Variants in CCSER1 observed in about 807,000 individuals in gnomAD.
The protein encoded by CCSER1 is coiled-coil serine rich protein 1, also known as serine-rich coiled-coil domain-containing protein 1.
A neutral mutation model predicts 82.0 loss-of-function variants in CCSER1; 41 were observed. The ratio of observed to expected loss-of-function variants is 0.50; its 90% CI spans 0.39 to 0.65. CCSER1 has a LOEUF of 0.65. Among genes scored for constraint, CCSER1 ranks in the 30% least tolerant of loss-of-function variants. The pLI is 0.00. For synonymous variants in CCSER1, 414 were observed against 383.9 expected (o/e 1.08, Z -0.92); for missense variants, 1,119 against 1,064.2 (o/e 1.05, Z -0.72).
intron 5 of CCSER1, among the ~76,000 whole-genome samples, chr4:90,626,570 G>A (rs549987793): frequency 2.2e-4 from 33 of 152,264 alleles, no homozygotes; most frequent in African/African-American, 7.0e-4. Context: ...ATAACTGTAA[G>A]TATACTGTTT....
intron 6 of CCSER1, among the ~76,000 whole-genome samples, chr4:90,675,708 G>T (rs962176155): frequency 0.18 from 14 of 78 alleles, 2 homozygotes; most frequent in Admixed American, 0.5. Flanking sequence ...TTTTTTATGT[G>T]TTTTTTTTTT....
At chr4:91,242,122 A>T (rs1739422166) in intron 10 of CCSER1, among the ~76,000 whole-genome samples, 1 of 152,168 alleles carries the variant, frequency 6.6e-6, no homozygotes, top group Non-Finnish European at 1.5e-5. Context: ...AGAGGTAAAA[A>T]TTTAACATGA....
intron 10 of CCSER1, among the ~76,000 whole-genome samples, chr4:91,159,891 A>G (rs1581673585): frequency 6.6e-6 from 1 of 151,846 alleles, no homozygotes; most frequent in African/African-American, 2.4e-5. Flanking sequence ...TTAGGCAATA[A>G]CTAAAGCTAA....
At chr4:90,673,190 G>A (rs1298631811) in intron 6 of CCSER1, among the ~76,000 whole-genome samples, 1 of 151,848 alleles carries the variant, frequency 6.6e-6, no homozygotes, top group Non-Finnish European at 1.5e-5. Context: ...AGGTACAATT[G>A]TATTTATGTA....
chr4:90,671,416 A>G (rs1732782570), intron 6 of CCSER1, among the ~76,000 whole-genome samples: 1 of 152,088 alleles, frequency 6.6e-6, no homozygotes, highest in African/African-American at 2.4e-5. Flanking sequence ...CAGTGTTCAC[A>G]GCATCTTCAG....
intron 7 of CCSER1, among the ~76,000 whole-genome samples, chr4:90,793,502 C>T (rs1561145534): frequency 6.6e-6 from 1 of 152,092 alleles, no homozygotes; most frequent in African/African-American, 2.4e-5. Flanking sequence ...AGGACGTAAT[C>T]TTATTCTTTT....
chr4:91,329,839 C>T (rs1195270414), intron 10 of CCSER1, among the ~76,000 whole-genome samples: 1 of 152,060 alleles, frequency 6.6e-6, no homozygotes, highest in East Asian at 1.9e-4. Context: ...ATAATCATGT[C>T]CTCCTTTTAA....
At chr4:91,006,893 G>A (rs771796531) in intron 9 of CCSER1, among the ~76,000 whole-genome samples, 6 of 152,100 alleles carry the variant, frequency 3.9e-5, no homozygotes, top group Non-Finnish European at 8.8e-5. Flanking sequence ...TTCCTGTTCT[G>A]TATTATGTCA....
chr4:91,235,721 T>G (rs1458299818), intron 10 of CCSER1, among the ~76,000 whole-genome samples: 1 of 152,166 alleles, frequency 6.6e-6, no homozygotes, highest in African/African-American at 2.4e-5. Context: ...TCAGGCCAAT[T>G]AGAAGGCGTT....
chr4:91,142,825 T>C (rs549470385), intron 10 of CCSER1, among the ~76,000 whole-genome samples: 3 of 152,246 alleles, frequency 2.0e-5, no homozygotes, highest in Non-Finnish European at 4.4e-5. Context: ...TCTATTCTCT[T>C]CCATTGGACT....
At chr4:90,605,105 T>A (rs1426931299) in intron 5 of CCSER1, among the ~76,000 whole-genome samples, 1 of 152,210 alleles carries the variant, frequency 6.6e-6, no homozygotes, top group African/African-American at 2.4e-5. Context: ...ATGTTCACCA[T>A]GATGGTCTGC....
At chr4:90,271,682 A>G (rs1002281140) in intron 1 of CCSER1, among the ~76,000 whole-genome samples, 1 of 151,490 alleles carries the variant, frequency 6.6e-6, no homozygotes, top group Non-Finnish European at 1.5e-5. Flanking sequence ...AGCAAAGGAA[A>G]CAATCAACAA....
At chr4:90,218,293 A>G (rs1291094193) in intron 1 of CCSER1, among the ~76,000 whole-genome samples, 4 of 152,156 alleles carry the variant, frequency 2.6e-5, no homozygotes, top group Non-Finnish European at 1.5e-5. Flanking sequence ...ATCCTGGTGA[A>G]TTAACTTTTT....
At chr4:91,207,335 A>G (rs912795397) in intron 10 of CCSER1, among the ~76,000 whole-genome samples, 3 of 144,204 alleles carry the variant, frequency 2.1e-5, no homozygotes, top group Non-Finnish European at 4.6e-5. Context: ...ATAGTACCCA[A>G]CAGTTGCTTT....
rs548883655 is a variant in CCSER1, at chr4:90,480,991, T to C, written c.1724+12637T>C. On this transcript the variant is annotated intron_variant, in intron 5 of 10. Transcript: ENST00000509176. ...GGCAGTATGGCCATTTTCACGATAT[T>C]GATTCTTCCTATCCATGAGTATGGA... is the stretch of plus-strand genomic sequence containing the variant. Among the ~76,000 whole-genome samples, 77 of 152,344 alleles carry C rather than the reference T, an allele frequency of 5.1e-4. No homozygotes were observed. In the South Asian group the frequency reaches 0.015, roughly 30 times the overall value.
intron 1 of CCSER1, among the ~76,000 whole-genome samples, chr4:90,230,580 A>C (rs1744284988): frequency 6.6e-6 from 1 of 152,004 alleles, no homozygotes; most frequent in Admixed American, 6.5e-5. Context: ...GCAAGAGCAA[A>C]CACATTCAAA....
At chr4:90,546,407 C>T (rs1361229887) in intron 5 of CCSER1, among the ~76,000 whole-genome samples, 1 of 152,098 alleles carries the variant, frequency 6.6e-6, no homozygotes, top group Non-Finnish European at 1.5e-5. Context: ...TCATTGTGTG[C>T]AGTTGATATT....
At chr4:90,133,392 T>G (rs1397359417) in intron 1 of CCSER1, among the ~76,000 whole-genome samples, 1 of 152,180 alleles carries the variant, frequency 6.6e-6, no homozygotes, top group Admixed American at 6.5e-5. Context: ...GCAAAGGGTA[T>G]GCACAATACA....
chr4:90,641,756 T>TA (rs1373903807), intron 6 of CCSER1, among the ~76,000 whole-genome samples: 5 of 152,194 alleles, frequency 3.3e-5, no homozygotes, highest in Non-Finnish European at 7.3e-5. Context: ...TGTACTTATA[T>TA]TATCTGCTAG....
Sources: allele counts gnomAD v4.1 joint callset (sites outside exome capture counted in the v4.1 genomes callset), GRCh38; gene constraint gnomAD v4.1.1; transcripts MANE v1.5; gene names NCBI Gene and HGNC (gene_info 2026-07-23, HGNC 2026-07-21).